ABI3BP: variants seen among roughly 807,000 people sequenced by gnomAD.
ABI3BP encodes ABI family member 3 binding protein, also known as target of Nesh-SH3.
Under a neutral mutation model 268.6 loss-of-function variants are expected in ABI3BP, and 216 were observed. That is an observed-to-expected ratio of 0.80 (90% CI 0.72 to 0.90). ABI3BP has a LOEUF of 0.90. Ranked by LOEUF, ABI3BP falls within the 40% of genes least tolerant of loss-of-function variation. The pLI is 0.00. For missense variants in ABI3BP, 2,090 were observed against 2,182.4 expected (o/e 0.96, Z 0.84); for synonymous variants, 730 against 730.0 (o/e 1.00, Z 0.00).
intron 4 of ABI3BP, among the ~76,000 whole-genome samples, chr3:100,893,008 G>A (rs2045486461): frequency 6.6e-6 from 1 of 152,192 alleles, no homozygotes; most frequent in Non-Finnish European, 1.5e-5. Flanking sequence ...CAGTGGACTT[G>A]GAAAGGCAGA....
intron 51 of ABI3BP, among the ~76,000 whole-genome samples, chr3:100,799,438 A>G (rs1035241779): frequency 6.6e-5 from 10 of 152,144 alleles, no homozygotes; most frequent in African/African-American, 2.4e-4. Flanking sequence ...CTGAATACAT[A>G]TTAATGTTTC....
intron 57 of ABI3BP, among the ~76,000 whole-genome samples, chr3:100,786,641 C>T (rs975824362): frequency 1.2e-4 from 18 of 152,222 alleles, no homozygotes; most frequent in African/African-American, 4.3e-4. Context: ...ACAATTTGTA[C>T]CTGCCTTCCT....
chr3:100,835,710 A>G (rs1445359376), intron 27 of ABI3BP, 50 bp from the exon 28 acceptor site: 4 of 1,378,714 alleles, frequency 2.9e-6, no homozygotes, highest in Admixed American at 4.3e-5. Context: ...ATACAGAAAA[A>G]CAAAGTTATT....
intron 2 of ABI3BP, among the ~76,000 whole-genome samples, chr3:100,922,565 C>T (rs372288852): frequency 1.4e-3 from 138 of 97,740 alleles, no homozygotes; most frequent in African/African-American, 3.9e-3. Flanking sequence ...ATGGCGATGG[C>T]GATGGCGATG....
At chr3:100,915,284 T>G (rs1292001883) in intron 2 of ABI3BP, among the ~76,000 whole-genome samples, 1 of 152,160 alleles carries the variant, frequency 6.6e-6, no homozygotes, top group East Asian at 1.9e-4. Flanking sequence ...TCCCAATTCA[T>G]AGACCTCCAA....
At chr3:100,867,286 G>C (rs1412895591) in intron 9 of ABI3BP, among the ~76,000 whole-genome samples, 1 of 152,118 alleles carries the variant, frequency 6.6e-6, no homozygotes, top group Non-Finnish European at 1.5e-5. Context: ...GGCATAGGTT[G>C]TATTGCAAAT....
chr3:100,825,024 C>T, intron 35 of ABI3BP, 83 bp from the exon 36 acceptor site: 1 of 1,155,716 alleles, frequency 8.7e-7, no homozygotes. Context: ...CTTGTCAGAT[C>T]TCCTATAGTT....
intron 14 of ABI3BP, among the ~76,000 whole-genome samples, chr3:100,854,295 C>T (rs1241391076): frequency 6.6e-6 from 1 of 151,938 alleles, no homozygotes; most frequent in Non-Finnish European, 1.5e-5. Context: ...GGAGGCAGAG[C>T]CTGCAGTGAG....
chr3:100,944,608 A>G (rs1458339992), intron 1 of ABI3BP, among the ~76,000 whole-genome samples: 1 of 152,206 alleles, frequency 6.6e-6, no homozygotes, highest in Non-Finnish European at 1.5e-5. Flanking sequence ...TTTCTTAAAT[A>G]AATCTGATTT....
At chr3:100,967,180 T>C (rs1197883152) in intron 1 of ABI3BP, among the ~76,000 whole-genome samples, 2 of 152,132 alleles carry the variant, frequency 1.3e-5, no homozygotes, top group African/African-American at 2.4e-5. Flanking sequence ...AGCTCAAGTT[T>C]TGCTACCTTA....
intron 28 of ABI3BP, among the ~76,000 whole-genome samples, chr3:100,835,275 C>T (rs903198030): frequency 1.3e-5 from 2 of 152,152 alleles, no homozygotes; most frequent in Admixed American, 6.5e-5. Context: ...TGATATTTAT[C>T]AGGCAGACAT....
rs371539568 is a variant in ABI3BP at position 100,823,347 on chromosome 3, G to A, written c.2803+111C>T. On this transcript the variant is annotated intron_variant, in intron 37 of 67. Transcript: ENST00000471714. Reference sequence around the variant, plus strand: ...ACAGTTAAGAGTCTTATAATTTCAAGAAGAGTTGAATGGCCATCAAGAATG... The same window carrying A: ...ACAGTTAAGAGTCTTATAATTTCAAAAAGAGTTGAATGGCCATCAAGAATG... The A allele has an allele frequency of 1.3e-5, 12 of 890,054 alleles. No individual in the cohort carries two copies. The African/African-American group carries it at 1.5e-4, about 11-fold the overall frequency. The allele number at this position is 890,054 out of a possible 1,614,324, so 55.1% of individuals were successfully genotyped here.
In ABI3BP at chr3:100,886,044, C is replaced by T. The variant is rs529121754; in HGVS notation, c.643+98G>A. 4.5e-6 allele frequency: 4 copies of T among 888,778 alleles called. No homozygotes were observed. In the East Asian group the frequency reaches 1.2e-4, roughly 26 times the overall value. 55.1% of individuals were successfully genotyped at this position (888,778 alleles called of 1,614,324 possible). ...ATAAATACTAGACCTTAGGAATTAG[C>T]TTATTTCATATTATACAATGAATAA... On this transcript the variant is annotated intron_variant, in intron 5 of 67. Coordinates refer to ENST00000471714, the MANE Select transcript of ABI3BP (RefSeq NM_001375547.2).
chr3:100,835,202 G>T (rs956598784), intron 28 of ABI3BP, among the ~76,000 whole-genome samples: 1 of 152,152 alleles, frequency 6.6e-6, no homozygotes, highest in Non-Finnish European at 1.5e-5. Flanking sequence ...ATAGTTGGTA[G>T]ACAATAAAAA....
At chr3:100,955,474 C>A (rs540006399) in intron 1 of ABI3BP, among the ~76,000 whole-genome samples, 3 of 151,514 alleles carry the variant, frequency 2.0e-5, no homozygotes, top group Non-Finnish European at 4.4e-5. Context: ...TAGTGGCAGC[C>A]GTATTAGATG....
At chr3:100,789,663 T>G (rs1577768232) in intron 55 of ABI3BP, 147 bp from the exon 56 acceptor site, 1 of 664,820 alleles carries the variant, frequency 1.5e-6, no homozygotes, top group Non-Finnish European at 2.5e-6. Context: ...ATTATAGACT[T>G]CACGCTAAAG....
chr3:100,882,646 A>G (rs2039949279), intron 6 of ABI3BP, among the ~76,000 whole-genome samples: 1 of 152,040 alleles, frequency 6.6e-6, no homozygotes, highest in Non-Finnish European at 1.5e-5. Flanking sequence ...TCATGCATGC[A>G]GGAAGTTGCT....
chr3:100,954,821 C>A (rs961788670), intron 1 of ABI3BP, among the ~76,000 whole-genome samples: 1 of 152,018 alleles, frequency 6.6e-6, no homozygotes. Context: ...AACTAAGGCA[C>A]CAGATAAACT....
At chr3:100,844,479 C>T in intron 20 of ABI3BP, 3 of 984,558 alleles carry the variant, frequency 3.0e-6, no homozygotes, top group Non-Finnish European at 3.6e-6. Flanking sequence ...GAAAAGGAGC[C>T]TGTAAAGGAA....
Sources: allele counts gnomAD v4.1 joint callset (sites outside exome capture counted in the v4.1 genomes callset), GRCh38; gene constraint gnomAD v4.1.1; transcripts MANE v1.5; gene names NCBI Gene and HGNC (gene_info 2026-07-23, HGNC 2026-07-21).